Variants in GALNTL6 observed in about 807,000 individuals in gnomAD.
GALNTL6 encodes polypeptide N-acetylgalactosaminyltransferase-like 6.
A neutral mutation model predicts 73.7 loss-of-function variants in GALNTL6; 46 were observed. That is an observed-to-expected ratio of 0.62 (90% CI 0.49 to 0.80). The LOEUF (loss-of-function observed/expected upper bound fraction) is 0.80. GALNTL6 is among the 30% of genes least tolerant of loss of function. The probability of loss-of-function intolerance (pLI) is 0.00; values close to 1 mark genes in which losing one functional copy is unlikely to be tolerated. For missense variants in GALNTL6, 604 were observed against 755.0 expected (o/e 0.80, Z 2.34); for synonymous variants, 259 against 263.7 (o/e 0.98, Z 0.17).
chr4:172,250,098 A>G (rs993247480), intron 3 of GALNTL6, among the ~76,000 whole-genome samples: 4 of 152,150 alleles, frequency 2.6e-5, no homozygotes, highest in Admixed American at 2.0e-4. Flanking sequence ...TGTACCCTGC[A>G]AAGCCGTAGG....
chr4:172,140,686 G>T (rs1487101510), intron 2 of GALNTL6, among the ~76,000 whole-genome samples: 1 of 151,944 alleles, frequency 6.6e-6, no homozygotes, highest in African/African-American at 2.4e-5. Flanking sequence ...CTCTAAATCT[G>T]CATCAAGAAA....
chr4:172,422,337 T>C (rs1160041526), intron 5 of GALNTL6, among the ~76,000 whole-genome samples: 1 of 151,962 alleles, frequency 6.6e-6, no homozygotes, highest in Non-Finnish European at 1.5e-5. Context: ...CCTATGGTAA[T>C]TCTCAGTCTT....
intron 5 of GALNTL6, among the ~76,000 whole-genome samples, chr4:172,474,517 A>G (rs1733164940): frequency 6.6e-6 from 1 of 152,172 alleles, no homozygotes. Context: ...TACAGAAAAC[A>G]TTTGTTGAAT....
chr4:172,719,998 G>A (rs972022332), intron 5 of GALNTL6, among the ~76,000 whole-genome samples: 2 of 152,074 alleles, frequency 1.3e-5, no homozygotes, highest in African/African-American at 4.8e-5. Context: ...GAGGACGACC[G>A]GAGGTCACTC....
chr4:173,035,915 G>A (rs948102292), intron 12 of GALNTL6, among the ~76,000 whole-genome samples: 1 of 152,146 alleles, frequency 6.6e-6, no homozygotes, highest in African/African-American at 2.4e-5. Flanking sequence ...GATGCTCCCT[G>A]ACTGAAAACA....
chr4:171,907,041 C>A lies in GALNTL6; in HGVS notation c.138+92323C>A, dbSNP rs1393065145. Among the ~76,000 whole-genome samples the A allele has an allele frequency of 5.9e-5, 9 of 152,164 alleles. No homozygotes were observed. The East Asian group carries it at 1.4e-3, about 23-fold the overall frequency. On this transcript the variant is annotated intron_variant, in intron 2 of 12. Coordinates refer to ENST00000506823, the MANE Select transcript of GALNTL6 (RefSeq NM_001034845.3). Reference sequence around the variant, plus strand: ...TGACAAACCCACAGCCAATATCATACTGAATGGGCAAAAACTGGAAGCATT... The same window carrying A: ...TGACAAACCCACAGCCAATATCATAATGAATGGGCAAAAACTGGAAGCATT...
chr4:172,725,189 G>T (rs1463321026), intron 5 of GALNTL6, among the ~76,000 whole-genome samples: 2 of 152,080 alleles, frequency 1.3e-5, no homozygotes, highest in African/African-American at 2.4e-5. Flanking sequence ...ACATTTGCAT[G>T]TATAGGAGAC....
chr4:172,722,119 A>G (rs1481088314), intron 5 of GALNTL6, among the ~76,000 whole-genome samples: 1 of 151,984 alleles, frequency 6.6e-6, no homozygotes, highest in East Asian at 1.9e-4. Flanking sequence ...CAATGTACAA[A>G]CCAAACCCCA....
chr4:173,020,074 T>C (rs528023411), intron 11 of GALNTL6, among the ~76,000 whole-genome samples: 1 of 152,358 alleles, frequency 6.6e-6, no homozygotes, highest in East Asian at 1.9e-4. Flanking sequence ...GTAAGTCCTA[T>C]TGTAAGAATT....
intron 5 of GALNTL6, among the ~76,000 whole-genome samples, chr4:172,789,989 C>T (rs1186978604): frequency 3.3e-5 from 5 of 152,222 alleles, no homozygotes; most frequent in East Asian, 3.8e-4. Flanking sequence ...AAAATGAATA[C>T]GACATGGTCC....
intron 2 of GALNTL6, among the ~76,000 whole-genome samples, chr4:172,166,687 T>C (rs1269227182): frequency 6.6e-6 from 1 of 152,208 alleles, no homozygotes; most frequent in Non-Finnish European, 1.5e-5. Flanking sequence ...GATGTTGATC[T>C]TCCTTAAAAT....
chr4:172,136,442 TA>T (rs1477136466), intron 2 of GALNTL6, among the ~76,000 whole-genome samples: 4 of 152,032 alleles, frequency 2.6e-5, no homozygotes, highest in Admixed American at 6.5e-5. Flanking sequence ...TCCTCATATG[TA>T]AAAGAATGTA....
At chr4:172,704,560 G>C (rs1734212969) in intron 5 of GALNTL6, among the ~76,000 whole-genome samples, 1 of 151,902 alleles carries the variant, frequency 6.6e-6, no homozygotes, top group Admixed American at 6.6e-5. Context: ...GGTCAGAAAA[G>C]ATAACATAAT....
chr4:172,177,531 G>A (rs1054292485), intron 2 of GALNTL6, among the ~76,000 whole-genome samples: 1 of 151,922 alleles, frequency 6.6e-6, no homozygotes, highest in Non-Finnish European at 1.5e-5. Context: ...TATTTGAACA[G>A]AATGAGAATA....
rs536120330 is a variant in GALNTL6, at chr4:172,663,578, G to A, written c.554-145783G>A. 4.7e-4 allele frequency among the ~76,000 whole-genome samples: 72 copies of A among 152,254 alleles called. 1 individual carries two copies. Among genetic ancestry groups the A allele is most frequent in the Middle Eastern group, 3.4e-3 (1 of 294 alleles). ...AGTCCCTGTATCAGAGAATAATGTG[G>A]TGGTTTCTGTATCAGGTTTGGATGT... On this transcript the variant is annotated intron_variant, in intron 5 of 12. Coordinates refer to ENST00000506823, the MANE Select transcript of GALNTL6 (RefSeq NM_001034845.3).
At chr4:171,825,828 CT>C (rs1734809888) in intron 2 of GALNTL6, among the ~76,000 whole-genome samples, 1 of 152,178 alleles carries the variant, frequency 6.6e-6, no homozygotes, top group South Asian at 2.1e-4. Flanking sequence ...AAACTTGAAT[CT>C]TTTGCTTCGT....
intron 3 of GALNTL6, among the ~76,000 whole-genome samples, chr4:172,235,624 T>A (rs1737216643): frequency 6.6e-6 from 1 of 152,228 alleles, no homozygotes; most frequent in Non-Finnish European, 1.5e-5. Context: ...GTAACTTTTT[T>A]ATTTTTTACT....
intron 5 of GALNTL6, among the ~76,000 whole-genome samples, chr4:172,723,259 G>T (rs989590949): frequency 6.6e-6 from 1 of 152,178 alleles, no homozygotes; most frequent in African/African-American, 2.4e-5. Flanking sequence ...TGCTAGAGAT[G>T]AGAATGTGGA....
chr4:171,959,291 A>G (rs1442049273), intron 2 of GALNTL6, among the ~76,000 whole-genome samples: 1 of 152,144 alleles, frequency 6.6e-6, no homozygotes. Flanking sequence ...ATTTTTGTGA[A>G]TTAATCATTA....
Sources: allele counts gnomAD v4.1 joint callset (sites outside exome capture counted in the v4.1 genomes callset), GRCh38; gene constraint gnomAD v4.1.1; transcripts MANE v1.5; gene names NCBI Gene and HGNC (gene_info 2026-07-23, HGNC 2026-07-21).